The following GPD1L variants were observed in gnomAD, a reference collection of about 807,000 sequenced individuals.
The protein encoded by GPD1L is glycerol-3-phosphate dehydrogenase 1 like, also known as glycerol-3-phosphate dehydrogenase 1-like protein.
In GPD1L, 17 loss-of-function variants were observed where a neutral mutation model predicts 32.9. The ratio of observed to expected loss-of-function variants is 0.52; its 90% CI spans 0.35 to 0.78. The LOEUF (loss-of-function observed/expected upper bound fraction) is 0.78, where lower values mean the gene tolerates loss of function less well. GPD1L is among the 30% of genes least tolerant of loss of function. The pLI is 0.01. For missense variants in GPD1L, 361 were observed against 447.8 expected (o/e 0.81, Z 1.75); for synonymous variants, 187 against 165.9 (o/e 1.13, Z -0.98).
At chr3:32,150,334 CT>C (rs1468256527) in intron 5 of GPD1L, among the ~76,000 whole-genome samples, 6 of 151,906 alleles carry the variant, frequency 3.9e-5, no homozygotes, top group Admixed American at 2.0e-4. Flanking sequence ...TCTATGTTAT[CT>C]TTTTTTTCCC....
intron 1 of GPD1L, among the ~76,000 whole-genome samples, chr3:32,122,698 C>T (rs1020223575): frequency 2.1e-4 from 32 of 152,258 alleles, no homozygotes; most frequent in African/African-American, 7.5e-4. Context: ...TCCCCAACCT[C>T]CTCCCCAGGT....
chr3:32,151,380 C>T, intron 5 of GPD1L: 1 of 688,308 alleles, frequency 1.5e-6, no homozygotes, highest in Non-Finnish European at 2.6e-6. Flanking sequence ...CCAGTTTAGC[C>T]ATGGTGACAC....
chr3:32,149,221 G>A (rs1434678615), intron 5 of GPD1L, among the ~76,000 whole-genome samples: 1 of 152,008 alleles, frequency 6.6e-6, no homozygotes, highest in Non-Finnish European at 1.5e-5. Flanking sequence ...TGCCATGCCC[G>A]ACTAATTTTG....
intron 1 of GPD1L, among the ~76,000 whole-genome samples, chr3:32,119,519 A>T (rs1308025572): frequency 6.6e-6 from 1 of 151,910 alleles, no homozygotes; most frequent in Non-Finnish European, 1.5e-5. Flanking sequence ...TCTTTCTTTG[A>T]TTTTAAGCTT....
intron 2 of GPD1L, among the ~76,000 whole-genome samples, chr3:32,129,437 A>T (rs1700556665): frequency 6.6e-6 from 1 of 152,236 alleles, no homozygotes; most frequent in African/African-American, 2.4e-5. Context: ...TAAGCAATAC[A>T]TTTAGTCTCA....
At chr3:32,154,185 C>T (rs1196579643) in intron 5 of GPD1L, among the ~76,000 whole-genome samples, 1 of 151,896 alleles carries the variant, frequency 6.6e-6, no homozygotes, top group African/African-American at 2.4e-5. Context: ...AGCCCAGGGT[C>T]CTCTTAGAAG....
chr3:32,149,785 T>TA (rs1700884771), intron 5 of GPD1L, among the ~76,000 whole-genome samples: 1 of 151,892 alleles, frequency 6.6e-6, no homozygotes, highest in African/African-American at 2.4e-5. Context: ...GCATCTCTAC[T>TA]AAAAAATACA....
chr3:32,143,782 A>G (rs961886824), intron 4 of GPD1L, among the ~76,000 whole-genome samples: 2 of 151,988 alleles, frequency 1.3e-5, no homozygotes, highest in Non-Finnish European at 2.9e-5. Flanking sequence ...GTTTGAGACC[A>G]GCCTTGTCAA....
chr3:32,157,015 G>C (rs568009741), intron 5 of GPD1L, among the ~76,000 whole-genome samples: 1 of 152,216 alleles, frequency 6.6e-6, no homozygotes, highest in African/African-American at 2.4e-5. Context: ...GGCATTGAGT[G>C]TTCTTGGTGA....
intron 5 of GPD1L, among the ~76,000 whole-genome samples, chr3:32,156,065 G>C (rs1419859495): frequency 6.6e-6 from 1 of 152,006 alleles, no homozygotes; most frequent in Non-Finnish European, 1.5e-5. Context: ...ATCCTGACTC[G>C]GCAACTCACC....
chr3:32,154,518 G>T (rs960994030), intron 5 of GPD1L, among the ~76,000 whole-genome samples: 1 of 152,080 alleles, frequency 6.6e-6, no homozygotes, highest in African/African-American at 2.4e-5. Flanking sequence ...TGGACTCTGC[G>T]GTGGCCTCTC....
intron 1 of GPD1L, among the ~76,000 whole-genome samples, chr3:32,120,386 A>G (rs1486895069): frequency 6.6e-6 from 1 of 152,214 alleles, no homozygotes; most frequent in African/African-American, 2.4e-5. Flanking sequence ...ATTCCAAGAA[A>G]TTTGACAGTG....
chr3:32,142,998 T>C (rs1700769513), intron 4 of GPD1L, among the ~76,000 whole-genome samples: 1 of 152,054 alleles, frequency 6.6e-6, no homozygotes, highest in Non-Finnish European at 1.5e-5. Flanking sequence ...GAAATGTAGC[T>C]GGGAGTTTCC....
At chr3:32,111,834 T>C (rs1700252998) in intron 1 of GPD1L, among the ~76,000 whole-genome samples, 1 of 151,938 alleles carries the variant, frequency 6.6e-6, no homozygotes, top group African/African-American at 2.4e-5. Flanking sequence ...TTTTTTGGTC[T>C]GCTGGAACTG....
In GPD1L at chr3:32,130,045, G is replaced by T. The variant is rs527308934; in HGVS notation, c.225+1792G>T. Among the ~76,000 whole-genome samples, 4 of 152,218 alleles carry T rather than the reference G, an allele frequency of 2.6e-5. No individual in the cohort carries two copies. The East Asian group carries it at 7.7e-4, about 29-fold the overall frequency. The stretch of plus-strand genomic sequence containing the variant: ...GTTCTTCATTCACCCACAGTCCCTA[G>T]CACAGTGCTTTTCCTACAGTGGATA... On this transcript the variant is annotated intron_variant, in intron 2 of 7. Transcript: ENST00000282541.
intron 1 of GPD1L, among the ~76,000 whole-genome samples, chr3:32,111,137 A>G (rs932115303): frequency 6.6e-6 from 1 of 152,192 alleles, no homozygotes; most frequent in Non-Finnish European, 1.5e-5. Flanking sequence ...AAGTGCTGGG[A>G]TTATAGGCAT....
At chr3:32,113,065 C>G (rs117021733) in intron 1 of GPD1L, among the ~76,000 whole-genome samples, 1 of 152,100 alleles carries the variant, frequency 6.6e-6, no homozygotes, top group African/African-American at 2.4e-5. Flanking sequence ...ATCCTCCCAA[C>G]AAAATCCAAT....
At chr3:32,113,661 G>A (rs1021506012) in intron 1 of GPD1L, among the ~76,000 whole-genome samples, 2 of 152,160 alleles carry the variant, frequency 1.3e-5, no homozygotes, top group African/African-American at 4.8e-5. Context: ...GAGGAGAACT[G>A]AATCAGTCAT....
chr3:32,154,405 G>C (rs1447485504), intron 5 of GPD1L, among the ~76,000 whole-genome samples: 2 of 152,144 alleles, frequency 1.3e-5, no homozygotes, highest in Non-Finnish European at 2.9e-5. Flanking sequence ...GGAGCTCAGG[G>C]CCTGTCCATA....
Sources: gnomAD v4.1 joint callset for allele counts (sites outside exome capture counted in the v4.1 genomes callset) on GRCh38, gnomAD v4.1.1 for gene constraint, MANE v1.5 for transcripts, NCBI Gene and HGNC (gene_info 2026-07-23, HGNC 2026-07-21) for gene names.